The following HMGCS2 variants were observed in gnomAD, a reference collection of about 807,000 sequenced individuals.
The protein encoded by HMGCS2 is hydroxymethylglutaryl-CoA synthase, mitochondrial.
In HMGCS2, 50 loss-of-function variants were observed where a neutral mutation model predicts 57.4. That is an observed-to-expected ratio of 0.87 (90% CI 0.69 to 1.10). The LOEUF is 1.10. Among genes scored for constraint, HMGCS2 ranks in the 50% least tolerant of loss-of-function variants. HMGCS2 has a pLI of 0.00. For synonymous variants in HMGCS2, 254 were observed against 245.1 expected (o/e 1.04, Z -0.34); for missense variants, 627 against 636.5 (o/e 0.99, Z 0.16).
intron 1 of HMGCS2, among the ~76,000 whole-genome samples, chr1:119,765,404 A>AT (rs1478988069): frequency 1.3e-5 from 2 of 152,020 alleles, no homozygotes; most frequent in Non-Finnish European, 2.9e-5. Flanking sequence ...AACTAAGTCT[A>AT]TTTTTTTATT....
intron 1 of HMGCS2, among the ~76,000 whole-genome samples, chr1:119,767,402 AG>A (rs1653269458): frequency 6.6e-6 from 1 of 152,196 alleles, no homozygotes; most frequent in Non-Finnish European, 1.5e-5. Flanking sequence ...TGGCCACGGC[AG>A]GGGGTGACTG....
chr1:119,757,517 C>T, intron 4 of HMGCS2, 79 bp from the exon 5 acceptor site: 1 of 1,603,426 alleles, frequency 6.2e-7, no homozygotes, highest in Non-Finnish European at 8.5e-7. Context: ...TTTAACTGTG[C>T]CGAGTTTCTC....
chr1:119,759,118 CT>C lies in HMGCS2; in HGVS notation c.849del (p.Ala284LeufsTer15). On this transcript the variant is annotated frameshift_variant and splice_region_variant, in exon 4 of 10. Transcript: ENST00000369406. LOFTEE classifies it high-confidence loss of function. Reference protein sequence around the residue: ...YRKKIQNQWKQAGSDRPFTLD... With the variant: ...YRKKIQNQWKXAGSDRPFTLD... ...ACTTTCTGCCCTCTGAATCTCATAC[CT>C]TGCTTCCACTGATTCTGGATTTTTT... The C allele has an allele frequency of 6.2e-7, 1 of 1,614,186 alleles. No individual in the cohort carries two copies. Among genetic ancestry groups the C allele is most frequent in the African/African-American group, 1.3e-5 (1 of 75,052 alleles).
At chr1:119,761,639 C>A (rs746269601) in intron 2 of HMGCS2, among the ~76,000 whole-genome samples, 4 of 152,004 alleles carry the variant, frequency 2.6e-5, no homozygotes, top group African/African-American at 4.8e-5. Context: ...GTGGTGGGGT[C>A]CTGTAGTCCC....
At chr1:119,755,302 C>T (rs1348795358) in intron 6 of HMGCS2, 125 bp downstream of exon 6, 1 of 961,840 alleles carries the variant, frequency 1.0e-6, no homozygotes, top group South Asian at 1.3e-5. Context: ...GCCACTACAC[C>T]AGGCCCCTTC....
chr1:119,759,388 C>T, intron 3 of HMGCS2, 106 bp from the exon 4 acceptor site: 1 of 1,122,030 alleles, frequency 8.9e-7, no homozygotes, highest in Non-Finnish European at 1.3e-6. Flanking sequence ...TATCTGTGTC[C>T]CATGCCCAAG....
intron 2 of HMGCS2, 74 bp from the exon 3 acceptor site, chr1:119,760,063 G>T: frequency 7.2e-7 from 1 of 1,397,456 alleles, no homozygotes; most frequent in Non-Finnish European, 1.0e-6. Flanking sequence ...TGTGTACCAG[G>T]CACAATTCTA....
At chr1:119,749,341 TTCTC>T (rs1652565010) in intron 9 of HMGCS2, among the ~76,000 whole-genome samples, 2 of 151,506 alleles carry the variant, frequency 1.3e-5, no homozygotes, top group African/African-American at 4.9e-5. Context: ...AAATTTCTCT[TTCTC>T]TCTCCCCCTC....
rs1240004823 is a variant in HMGCS2, at chr1:119,752,752, C to G, written c.1295-78G>C. On this transcript the variant is annotated intron_variant, in intron 7 of 9. Coordinates refer to ENST00000369406, the MANE Select transcript of HMGCS2 (RefSeq NM_005518.4). ...TGCCAATCACGAGTTCAACAGAGAG[C>G]CAGGTTCTGTGGGAGGTTACACCCT... The G allele has an allele frequency of 2.6e-6, 4 of 1,551,206 alleles. No homozygotes were observed. In the African/African-American group the frequency reaches 5.4e-5, roughly 21 times the overall value.
intron 5 of HMGCS2, among the ~76,000 whole-genome samples, chr1:119,757,067 C>A (rs1652865970): frequency 6.6e-6 from 1 of 152,168 alleles, no homozygotes; most frequent in African/African-American, 2.4e-5. Flanking sequence ...GCCAAATCCC[C>A]CATGTTTCCC....
Position 119,764,556 on chromosome 1 carries a change from G to A in HMGCS2, c.175C>T (p.Leu59=), listed in dbSNP as rs181428774. The A allele has an allele frequency of 5.6e-6, 9 of 1,614,204 alleles. No homozygotes were observed. The South Asian group carries it at 8.8e-5, about 16-fold the overall frequency. ...TATTGGGCTGGGAAGTAGACCTCCAGGGCCAGGATGCCCACGTCCTTTGGC... is the reference window on the plus strand; with the variant it reads ...TATTGGGCTGGGAAGTAGACCTCCAAGGCCAGGATGCCCACGTCCTTTGGC... ...TWPKDVGILA[L]EVYFPAQYVD... The change falls in exon 2 of 10, where the codon CTG becomes TTG. Residue 59 remains leucine (L), a synonymous_variant. Coordinates refer to ENST00000369406, the MANE Select transcript of HMGCS2 (RefSeq NM_005518.4).
Position 119,759,113 on chromosome 1 carries a change from C to T in HMGCS2, c.850+5G>A. On this transcript the variant is annotated splice_donor_5th_base_variant and intron_variant, in intron 4 of 9. Coordinates refer to ENST00000369406, the MANE Select transcript of HMGCS2 (RefSeq NM_005518.4). ...CCCCCACTTTCTGCCCTCTGAATCT[C>T]ATACCTTGCTTCCACTGATTCTGGA... 6.2e-7 allele frequency: 1 copy of T among 1,614,172 alleles called. No individual in the cohort carries two copies. The highest frequency in any genetic ancestry group is 1.7e-4 in the Middle Eastern group (1 of 6,060).
At chr1:119,765,141 C>G (rs2101275868) in intron 1 of HMGCS2, among the ~76,000 whole-genome samples, 1 of 151,828 alleles carries the variant, frequency 6.6e-6, no homozygotes, top group South Asian at 2.1e-4. Context: ...CGGAGTCTCA[C>G]TCTGTCACCC....
intron 1 of HMGCS2, among the ~76,000 whole-genome samples, chr1:119,767,181 T>C (rs887065205): frequency 5.9e-5 from 9 of 152,138 alleles, no homozygotes; most frequent in Admixed American, 5.2e-4. Context: ...GTGTGAGGAA[T>C]GATAAGCACA....
In HMGCS2 at chr1:119,752,534, T is replaced by C. The variant is rs759504588; in HGVS notation, c.1420+15A>G. ...AATGGGGTCTCTCTTCCTCTCTTCC[T>C]GACTTTTTTCTTACCCTTATGGTAG... On this transcript the variant is annotated intron_variant, in intron 8 of 9. Transcript: ENST00000369406. 1.4e-5 allele frequency: 23 copies of C among 1,613,480 alleles called. 1 individual carries two copies. The East Asian group carries it at 4.7e-4, about 33-fold the overall frequency.
chr1:119,753,172 A>T lies in HMGCS2; in HGVS notation c.1294+108T>A, dbSNP rs181442968. ...TTCAGTGATTTACTTTGCTATTAAT[A>T]ATAACGTAACTCTGTCAAGATGGCA... On this transcript the variant is annotated intron_variant, in intron 7 of 9. Transcript: ENST00000369406. 484 of 742,342 alleles carry T rather than the reference A, an allele frequency of 6.5e-4. 2 individuals carry two copies. The highest frequency in any genetic ancestry group is 3.1e-4 in the Non-Finnish European group (125 of 409,052). The allele number at this position is 742,342 out of a possible 1,614,324, so 46.0% of individuals were successfully genotyped here. A position where few individuals can be genotyped will look rare whatever the true frequency, so the allele number is the denominator to read the frequency against.
At chr1:119,750,947 T>C (rs1308130629) in intron 8 of HMGCS2, 39 bp from the exon 9 acceptor site, 11 of 1,225,574 alleles carry the variant, frequency 9.0e-6, no homozygotes, top group Non-Finnish European at 1.3e-5. Context: ...CACAAAGAGT[T>C]ATATGAGTTT....
chr1:119,768,686 G>T, intron 1 of HMGCS2, 55 bp downstream of exon 1: 2 of 1,306,822 alleles, frequency 1.5e-6, no homozygotes, highest in Non-Finnish European at 1.1e-6. Flanking sequence ...TTCCCCAATA[G>T]CAGGGAAAAA....
intron 2 of HMGCS2, among the ~76,000 whole-genome samples, chr1:119,760,528 C>T (rs1027094477): frequency 2.6e-5 from 4 of 152,132 alleles, no homozygotes; most frequent in Non-Finnish European, 5.9e-5. Flanking sequence ...ATATTCAAAC[C>T]CAGTTCTGAC....
Sources: gnomAD v4.1 joint callset for allele counts (sites outside exome capture counted in the v4.1 genomes callset) on GRCh38, gnomAD v4.1.1 for gene constraint, MANE v1.5 for transcripts, NCBI Gene and HGNC (gene_info 2026-07-23, HGNC 2026-07-21) for gene names.